The following FNBP1 variants were observed in gnomAD, a reference collection of about 807,000 sequenced individuals.
FNBP1 encodes formin binding protein 1.
Under a neutral mutation model 90.6 loss-of-function variants are expected in FNBP1, and 26 were observed. The observed-to-expected ratio is 0.29, with a 90% confidence interval of 0.21 to 0.40. FNBP1 has a LOEUF of 0.40. Ranked by LOEUF, FNBP1 falls within the 10% of genes least tolerant of loss-of-function variation. The probability of loss-of-function intolerance (pLI) is 1.00; values close to 1 mark genes in which losing one functional copy is unlikely to be tolerated. For synonymous variants in FNBP1, 260 were observed against 265.2 expected, an observed-to-expected ratio of 0.98 and a Z score of 0.19; for missense variants, 635 against 768.0, an observed-to-expected ratio of 0.83 and a Z score of 2.05.
chr9:129,898,399 T>A (rs374961425), intron 15 of FNBP1, among the ~76,000 whole-genome samples: 1 of 152,130 alleles, frequency 6.6e-6, no homozygotes, highest in South Asian at 2.1e-4. Context: ...CCCCATGCCA[T>A]GGCAAGTTCT....
chr9:129,981,662 T>C (rs2051286522), intron 2 of FNBP1, among the ~76,000 whole-genome samples: 1 of 151,940 alleles, frequency 6.6e-6, no homozygotes, highest in South Asian at 2.1e-4. Flanking sequence ...CAAAGGGCAT[T>C]GCTCTGGGAA....
Position 130,034,324 on chromosome 9 carries a change from A to C in FNBP1, c.24+8628T>G, listed in dbSNP as rs2059111028. On this transcript the variant is annotated intron_variant, in intron 1 of 16. Transcript: ENST00000446176. ...CAAGACTCCATCTCAAAAAAAAAAA[A>C]AAAAACAAGTTGGTCAGGCGTGGTA... 4.0e-5 allele frequency among the ~76,000 whole-genome samples: 6 copies of C among 151,616 alleles called. No individual in the cohort carries two copies. The South Asian group carries it at 1.3e-3, about 32-fold the overall frequency.
chr9:129,895,149 A>G (rs562401489), intron 16 of FNBP1: 13 of 495,280 alleles, frequency 2.6e-5, no homozygotes, highest in African/African-American at 2.4e-4. Context: ...CAAGTGGTCA[A>G]TTCACCAAAC....
intron 6 of FNBP1, among the ~76,000 whole-genome samples, chr9:129,936,762 C>T (rs898275455): frequency 6.6e-6 from 1 of 152,066 alleles, no homozygotes; most frequent in Admixed American, 6.6e-5. Context: ...GAGGTAGAGG[C>T]CACTGGATAT....
intron 16 of FNBP1, among the ~76,000 whole-genome samples, chr9:129,891,540 A>C (rs1162329556): frequency 1.3e-5 from 2 of 152,234 alleles, no homozygotes; most frequent in African/African-American, 2.4e-5. Flanking sequence ...CAATTCTCTC[A>C]GAAGGAAACT....
intron 11 of FNBP1, among the ~76,000 whole-genome samples, chr9:129,913,212 C>T (rs1456801042): frequency 1.3e-5 from 2 of 151,744 alleles, no homozygotes; most frequent in Admixed American, 6.6e-5. Flanking sequence ...CATCTCAAAA[C>T]AAAAACAAAA....
At chr9:129,938,249 GC>G (rs2043790495) in intron 6 of FNBP1, among the ~76,000 whole-genome samples, 1 of 152,142 alleles carries the variant, frequency 6.6e-6, no homozygotes, top group Non-Finnish European at 1.5e-5. Flanking sequence ...AGATGAAAAA[GC>G]TCTTTGTCCA....
At chr9:129,970,531 T>C (rs1470268918) in intron 4 of FNBP1, among the ~76,000 whole-genome samples, 1 of 152,210 alleles carries the variant, frequency 6.6e-6, no homozygotes, top group Non-Finnish European at 1.5e-5. Flanking sequence ...TATACATATC[T>C]GCAAATGATA....
At chr9:130,048,563 C>A in the FNBP1 span, among the ~76,000 whole-genome samples, 2 of 143,686 alleles carry the variant, frequency 1.4e-5, no homozygotes, top group Non-Finnish European at 3.0e-5. Context: ...ACTGCAAGCT[C>A]CGTCTCCAGG....
At chr9:130,007,110 C>T (rs776009706) in intron 1 of FNBP1, among the ~76,000 whole-genome samples, 2 of 150,906 alleles carry the variant, frequency 1.3e-5, no homozygotes, top group East Asian at 1.9e-4. Context: ...GGTGTGGTGG[C>T]GCACGCCTAT....
chr9:129,961,623 A>G (rs541426571), intron 4 of FNBP1, among the ~76,000 whole-genome samples: 105 of 152,258 alleles, frequency 6.9e-4, no homozygotes, highest in South Asian at 1.2e-3. Context: ...GCTGGAGGAC[A>G]GTGGCGTGAT....
At chr9:129,980,604 T>C (rs10733706) in intron 2 of FNBP1, among the ~76,000 whole-genome samples, 150,723 of 150,946 alleles carry the variant, frequency 1, 75,250 homozygotes, top group Non-Finnish European at 1. Flanking sequence ...CTCATCTCCA[T>C]GTTAAGAATC....
chr9:130,011,438 AC>A (rs1269692385), intron 1 of FNBP1, among the ~76,000 whole-genome samples: 5 of 151,730 alleles, frequency 3.3e-5, no homozygotes, highest in Non-Finnish European at 7.4e-5. Flanking sequence ...CTGGAACTTA[AC>A]CTCCAAGGTG....
intron 1 of FNBP1, among the ~76,000 whole-genome samples, chr9:130,024,877 T>C (rs550211182): frequency 2.6e-5 from 4 of 152,204 alleles, no homozygotes; most frequent in African/African-American, 9.6e-5. Flanking sequence ...AGCCAAAAGG[T>C]TTCTGTTCAG....
intron 6 of FNBP1, among the ~76,000 whole-genome samples, chr9:129,939,244 C>T (rs2043958579): frequency 6.6e-6 from 1 of 151,766 alleles, no homozygotes; most frequent in African/African-American, 2.4e-5. Context: ...CAAAAATCAG[C>T]CGGGCATGGT....
rs186753980 is a variant in FNBP1 at position 129,998,982 on chromosome 9, T to C, written c.25-4024A>G. Among the ~76,000 whole-genome samples the C allele has an allele frequency of 1.3e-3, 201 of 152,306 alleles. 1 individual carries two copies. The highest frequency in any genetic ancestry group is 4.8e-3 in the African/African-American group (198 of 41,580). Reference sequence around the variant, plus strand: ...TGTTTGTGACTATAGCAGAGTTCTTTTGATGCTCTGTGAAACCTGAGGATG... The same window carrying C: ...TGTTTGTGACTATAGCAGAGTTCTTCTGATGCTCTGTGAAACCTGAGGATG... On this transcript the variant is annotated intron_variant, in intron 1 of 16. Coordinates refer to ENST00000446176, the MANE Select transcript of FNBP1 (RefSeq NM_015033.3).
intron 6 of FNBP1, among the ~76,000 whole-genome samples, chr9:129,950,444 A>C (rs1248917264): frequency 2.0e-5 from 3 of 152,238 alleles, no homozygotes; most frequent in Non-Finnish European, 4.4e-5. Flanking sequence ...TAGCAATTCA[A>C]TTTGGCAGCA....
At chr9:129,970,340 G>C (rs769356737) in intron 4 of FNBP1, among the ~76,000 whole-genome samples, 108 of 152,166 alleles carry the variant, frequency 7.1e-4, no homozygotes, top group Admixed American at 1.4e-3. Flanking sequence ...CGAGTAGCTG[G>C]GATTGCAGAC....
rs2054948212 is a variant in FNBP1 at position 130,002,088 on chromosome 9, G to C, written c.25-7130C>G. On this transcript the variant is annotated intron_variant, in intron 1 of 16. Transcript: ENST00000446176. Reference sequence around the variant, plus strand: ...CCATGCCTGTAATCCTAGCTACTCGGGAGGCTGAGGCAGGAGAATCGCTTG... The same window carrying C: ...CCATGCCTGTAATCCTAGCTACTCGCGAGGCTGAGGCAGGAGAATCGCTTG... 1.3e-5 allele frequency among the ~76,000 whole-genome samples: 2 copies of C among 149,594 alleles called. 1 individual carries two copies. The highest frequency in any genetic ancestry group is 1.3e-4 in the Admixed American group (2 of 15,054).
Sources: gnomAD v4.1 joint callset for allele counts (sites outside exome capture counted in the v4.1 genomes callset) on GRCh38, gnomAD v4.1.1 for gene constraint, MANE v1.5 for transcripts, NCBI Gene and HGNC (gene_info 2026-07-23, HGNC 2026-07-21) for gene names.